NTF3: variants seen among roughly 807,000 people sequenced by gnomAD.
NTF3 encodes the protein neurotrophin 3, also known as neurotrophin-3.
A neutral mutation model predicts 26.3 loss-of-function variants in NTF3; 8 were observed. The observed-to-expected ratio is 0.30, with a 90% confidence interval of 0.18 to 0.55. NTF3 has a LOEUF of 0.55. Among genes scored for constraint, NTF3 ranks in the 20% least tolerant of loss-of-function variants. The pLI is 0.93. For missense variants in NTF3, 276 were observed against 352.9 expected (o/e 0.78, Z 1.75); for synonymous variants, 154 against 145.5 (o/e 1.06, Z -0.42).
intron 1 of NTF3, among the ~76,000 whole-genome samples, chr12:5,472,152 T>C (rs942898427): frequency 2.0e-5 from 3 of 152,122 alleles, no homozygotes; most frequent in Non-Finnish European, 4.4e-5. Context: ...ATGGGAATGA[T>C]TTGACATTCC....
chr12:5,488,639 C>T (rs1181100812), intron 1 of NTF3, among the ~76,000 whole-genome samples: 1 of 152,214 alleles, frequency 6.6e-6, no homozygotes, highest in African/African-American at 2.4e-5. Context: ...TTTAATATTT[C>T]CACCACATTC....
At chr12:5,451,822 T>C (rs930423663) in intron 1 of NTF3, among the ~76,000 whole-genome samples, 1 of 152,174 alleles carries the variant, frequency 6.6e-6, no homozygotes, top group African/African-American at 2.4e-5. Context: ...GCCTCCTGTG[T>C]AGTTAGGACT....
chr12:5,430,600 A>C (rs1249541868), upstream of NTF3, among the ~76,000 whole-genome samples: 259 of 77,722 alleles, frequency 3.3e-3, no homozygotes, highest in Middle Eastern at 5.2e-3. Flanking sequence ...CTCCCTTCCC[A>C]CCTCCCCATC....
At position 5,432,217 on chromosome 12, in the gene NTF3, C is replaced by G. The variant is rs926241542; in HGVS notation, c.-108C>G. 8.8e-6 allele frequency: 11 copies of G among 1,252,222 alleles called. No individual in the cohort carries two copies. The African/African-American group carries it at 1.6e-4, about 19-fold the overall frequency. 77.6% of individuals were successfully genotyped at this position (1,252,222 alleles called of 1,614,324 possible). ...TCCTTTCTTTCTTCCTCTCCTTTTT[C>G]CCCTGCTGGGTAGTGGCTGCGGCGG... On this transcript the variant is annotated 5_prime_UTR_variant, in exon 1 of 2. Transcript: ENST00000423158.
At chr12:5,474,119 G>A (rs925793144) in intron 1 of NTF3, among the ~76,000 whole-genome samples, 2 of 152,204 alleles carry the variant, frequency 1.3e-5, no homozygotes, top group Non-Finnish European at 2.9e-5. Context: ...AATGATGGCA[G>A]GACAAAAGCA....
chr12:5,465,985 A>T (rs1940584645), intron 1 of NTF3, among the ~76,000 whole-genome samples: 1 of 152,138 alleles, frequency 6.6e-6, no homozygotes, highest in Non-Finnish European at 1.5e-5. Context: ...AGACCACCCA[A>T]CTTGTAAGTG....
chr12:5,443,789 C>A (rs1940269423), intron 1 of NTF3, among the ~76,000 whole-genome samples: 1 of 152,030 alleles, frequency 6.6e-6, no homozygotes, highest in South Asian at 2.1e-4. Context: ...AGCATTTAAA[C>A]CACCACCAAG....
chr12:5,432,435 C>G (rs899820475), intron 1 of NTF3, 93 bp downstream of exon 1: 2 of 1,391,290 alleles, frequency 1.4e-6, no homozygotes, highest in African/African-American at 1.4e-5. Flanking sequence ...GCGGGGGGCC[C>G]CAGATCCGCA....
At chr12:5,488,462 T>C (rs1565397253) in intron 1 of NTF3, among the ~76,000 whole-genome samples, 1 of 152,176 alleles carries the variant, frequency 6.6e-6, no homozygotes, top group Non-Finnish European at 1.5e-5. Flanking sequence ...CACCAGGATC[T>C]CTCTCTCCCA....
intron 1 of NTF3, among the ~76,000 whole-genome samples, chr12:5,461,155 G>A (rs1940519956): frequency 1.3e-5 from 2 of 152,160 alleles, no homozygotes; most frequent in Admixed American, 1.3e-4. Flanking sequence ...CAGGATGTGC[G>A]AACCATAATT....
At chr12:5,432,470 C>T in intron 1 of NTF3, 128 bp downstream of exon 1, 1 of 1,073,436 alleles carries the variant, frequency 9.3e-7, no homozygotes, top group Non-Finnish European at 1.4e-6. Flanking sequence ...CATCGCGCCG[C>T]GCTCACTCAC....
chr12:5,453,389 T>C (rs2121173509), intron 1 of NTF3, among the ~76,000 whole-genome samples: 1 of 152,322 alleles, frequency 6.6e-6, no homozygotes, highest in South Asian at 2.1e-4. Context: ...AGAATATTGC[T>C]GTTTCACAGA....
intron 1 of NTF3, among the ~76,000 whole-genome samples, chr12:5,434,977 C>A (rs1054604585): frequency 6.6e-6 from 1 of 152,034 alleles, no homozygotes; most frequent in Non-Finnish European, 1.5e-5. Context: ...AAAGCATTTG[C>A]AGGGAAGGAC....
chr12:5,440,230 C>T (rs146463006), intron 1 of NTF3, among the ~76,000 whole-genome samples: 1 of 152,310 alleles, frequency 6.6e-6, no homozygotes, highest in Non-Finnish European at 1.5e-5. Context: ...TGAACACTAA[C>T]CTAATGCCTA....
chr12:5,489,231 A>G lies in NTF3; in HGVS notation c.19-4963A>G, dbSNP rs985042202. ...ATAGGGAATACAGGGAGGAGGACACAGGATTGATGGCCTCAAATCTCTGCA... is the reference window on the plus strand; with the variant it reads ...ATAGGGAATACAGGGAGGAGGACACGGGATTGATGGCCTCAAATCTCTGCA... On this transcript the variant is annotated intron_variant, in intron 1 of 1. Transcript: ENST00000423158. Among the ~76,000 whole-genome samples, 57 of 152,224 alleles carry G rather than the reference A, an allele frequency of 3.7e-4. 1 individual carries two copies. Among genetic ancestry groups the G allele is most frequent in the African/African-American group, 1.0e-3 (42 of 41,466 alleles).
chr12:5,473,455 G>A (rs2121214830), intron 1 of NTF3, among the ~76,000 whole-genome samples: 1 of 152,350 alleles, frequency 6.6e-6, no homozygotes, highest in Admixed American at 6.5e-5. Context: ...TTTTGTCCCT[G>A]CCCTAGTTTT....
intron 1 of NTF3, among the ~76,000 whole-genome samples, chr12:5,444,678 T>C (rs557261954): frequency 5.3e-5 from 8 of 152,172 alleles, no homozygotes; most frequent in African/African-American, 1.4e-4. Context: ...ACTTTTTTTT[T>C]CCCAGGGGCA....
chr12:5,484,284 C>T (rs1453744299), intron 1 of NTF3, among the ~76,000 whole-genome samples: 1 of 152,146 alleles, frequency 6.6e-6, no homozygotes, highest in Non-Finnish European at 1.5e-5. Flanking sequence ...CAGTTTCTGG[C>T]ACCCTGGGCT....
chr12:5,490,144 C>T (rs1338578786), intron 1 of NTF3, among the ~76,000 whole-genome samples: 1 of 152,144 alleles, frequency 6.6e-6, no homozygotes, highest in African/African-American at 2.4e-5. Context: ...GGGACCATGG[C>T]CGACTTCAGA....
Sources: gnomAD v4.1 joint callset for allele counts (sites outside exome capture counted in the v4.1 genomes callset) on GRCh38, gnomAD v4.1.1 for gene constraint, MANE v1.5 for transcripts, NCBI Gene and HGNC (gene_info 2026-07-23, HGNC 2026-07-21) for gene names.